The following SEMA3D variants were observed in gnomAD, a reference collection of about 807,000 sequenced individuals.
SEMA3D encodes the protein semaphorin-3D.
In SEMA3D, 84 loss-of-function variants were observed where a neutral mutation model predicts 100.1. The ratio of observed to expected loss-of-function variants is 0.84; its 90% CI spans 0.70 to 1.01. SEMA3D has a LOEUF of 1.01. Ranked by LOEUF, SEMA3D falls within the 50% of genes least tolerant of loss-of-function variation. SEMA3D has a pLI of 0.00. For missense variants in SEMA3D, 875 were observed against 934.1 expected (o/e 0.94, Z 0.82); for synonymous variants, 312 against 320.7 (o/e 0.97, Z 0.29).
chr7:85,074,254 C>G (rs1277625862), intron 5 of SEMA3D, among the ~76,000 whole-genome samples: 2 of 152,054 alleles, frequency 1.3e-5, no homozygotes, highest in Non-Finnish European at 2.9e-5. Flanking sequence ...TCTTTCTGCC[C>G]AAGTGGCCAT....
Position 85,065,398 on chromosome 7 carries a change from A to G in SEMA3D, c.718+26T>C, listed in dbSNP as rs115358884. 6,090 of 1,609,354 alleles carry G rather than the reference A, an allele frequency of 3.8e-3. 179 individuals are homozygous for G. In the African/African-American group the frequency reaches 0.069, roughly 18 times the overall value. On this transcript the variant is annotated intron_variant, in intron 8 of 18. Transcript: ENST00000284136. ...ATCTTAAACCAAAGCAAGACAATCA[A>G]AAGTAAACAAAAAAAAATCACAAAC... is the stretch of plus-strand genomic sequence containing the variant.
At chr7:85,226,471 C>T in the SEMA3D span, among the ~76,000 whole-genome samples, 3 of 152,108 alleles carry the variant, frequency 2.0e-5, no homozygotes, top group Non-Finnish European at 4.4e-5. Flanking sequence ...TGGTAAGCCC[C>T]CTTTTTCACT....
intron 2 of SEMA3D, chr7:85,144,786 G>T: frequency 2.0e-6 from 1 of 500,014 alleles, no homozygotes; most frequent in Non-Finnish European, 2.6e-6. Context: ...ATTTGATTAG[G>T]ATTTATTATA....
intron 11 of SEMA3D, among the ~76,000 whole-genome samples, chr7:85,039,225 GC>G (rs1332141289): frequency 6.6e-6 from 1 of 152,080 alleles, no homozygotes; most frequent in Non-Finnish European, 1.5e-5. Flanking sequence ...AGTCTGTGGG[GC>G]CCCCATATTC....
At chr7:85,084,391 C>T (rs1248818906) in intron 4 of SEMA3D, among the ~76,000 whole-genome samples, 1 of 152,056 alleles carries the variant, frequency 6.6e-6, no homozygotes, top group East Asian at 1.9e-4. Flanking sequence ...TTTCATCTTG[C>T]AAAAGTGAAA....
chr7:85,099,781 T>C (rs1583921947), intron 3 of SEMA3D, among the ~76,000 whole-genome samples: 2 of 152,108 alleles, frequency 1.3e-5, no homozygotes, highest in South Asian at 2.1e-4. Flanking sequence ...TGCCATATGA[T>C]ATGGAGAATC....
intron 1 of SEMA3D, among the ~76,000 whole-genome samples, chr7:85,177,981 G>A (rs371653543): frequency 1.6e-4 from 25 of 152,230 alleles, no homozygotes; most frequent in Middle Eastern, 3.4e-3. Context: ...TGCTGTTCTC[G>A]TGATAGTGAG....
chr7:85,162,927 A>C (rs896700138), intron 1 of SEMA3D, among the ~76,000 whole-genome samples: 51 of 152,194 alleles, frequency 3.4e-4, no homozygotes, highest in Non-Finnish European at 5.9e-5. Flanking sequence ...CTTGGAAGAC[A>C]GAAGTAAAGG....
At chr7:85,037,635 T>G (rs909758915) in intron 11 of SEMA3D, among the ~76,000 whole-genome samples, 2 of 152,116 alleles carry the variant, frequency 1.3e-5, no homozygotes, top group African/African-American at 4.8e-5. Context: ...TGAAACAATC[T>G]TTTTCTTTTT....
At chr7:85,169,714 T>C (rs936715974) in intron 1 of SEMA3D, among the ~76,000 whole-genome samples, 1 of 151,798 alleles carries the variant, frequency 6.6e-6, no homozygotes, top group African/African-American at 2.4e-5. Context: ...AAAAATATTT[T>C]ACTGATGCTA....
Position 84,999,845 on chromosome 7 carries a change from G to A in SEMA3D, c.1929C>T (p.Ile643=). ...TCAGTAGCCCATATTCCGTTTTGAT[G>A]ATTCTTTCATCGGGCTTCAACTGCA... ...HREELKPDER[I]IKTEYGLLIR... The change falls in exon 19 of 19, where the codon ATC becomes ATT. Residue 643 remains isoleucine (I), a synonymous_variant. Coordinates refer to ENST00000284136, the MANE Select transcript of SEMA3D (RefSeq NM_001384900.1). 3 of 1,613,186 alleles carry A rather than the reference G, an allele frequency of 1.9e-6. No homozygotes were observed. The highest frequency in any genetic ancestry group is 2.5e-6 in the Non-Finnish European group (3 of 1,179,390).
chr7:85,210,681 T>C, the SEMA3D span, among the ~76,000 whole-genome samples: 2 of 152,056 alleles, frequency 1.3e-5, no homozygotes, highest in African/African-American at 4.8e-5. Flanking sequence ...AGATTGAAGA[T>C]ACCATATTCA....
chr7:85,206,978 A>C, the SEMA3D span, among the ~76,000 whole-genome samples: 1 of 152,106 alleles, frequency 6.6e-6, no homozygotes, highest in African/African-American at 2.4e-5. Context: ...AGATTTAATA[A>C]GGAATTTGAT....
chr7:85,165,156 G>A (rs921067819), intron 1 of SEMA3D, among the ~76,000 whole-genome samples: 6 of 151,802 alleles, frequency 4.0e-5, no homozygotes, highest in African/African-American at 9.7e-5. Context: ...CATGGCACAT[G>A]TATACATGTG....
chr7:85,241,483 A>G, the SEMA3D span, among the ~76,000 whole-genome samples: 2 of 138,286 alleles, frequency 1.4e-5, no homozygotes, highest in African/African-American at 5.6e-5. Flanking sequence ...ATATATATAT[A>G]TATATATATG....
At chr7:85,203,915 G>T in the SEMA3D span, among the ~76,000 whole-genome samples, 1 of 151,942 alleles carries the variant, frequency 6.6e-6, no homozygotes, top group Non-Finnish European at 1.5e-5. Context: ...GGAGATATTG[G>T]AATAAAAAAA....
intron 1 of SEMA3D, among the ~76,000 whole-genome samples, chr7:85,181,052 C>G (rs1202011994): frequency 6.6e-6 from 1 of 152,154 alleles, no homozygotes; most frequent in Admixed American, 6.5e-5. Context: ...GGTAAATTGT[C>G]ATTTTAATGC....
At chr7:85,138,663 TATTAA>T (rs1366314805) in intron 2 of SEMA3D, among the ~76,000 whole-genome samples, 1 of 146,572 alleles carries the variant, frequency 6.8e-6, no homozygotes, top group Non-Finnish European at 1.5e-5. Flanking sequence ...TTAATATATA[TATTAA>T]ATTAAATATA....
chr7:85,207,946 A>G, the SEMA3D span, among the ~76,000 whole-genome samples: 708 of 152,152 alleles, frequency 4.7e-3, 2 homozygotes, highest in African/African-American at 0.016. Context: ...TGTCAGTTAG[A>G]CGAAAATATC....
Sources: allele counts gnomAD v4.1 joint callset (sites outside exome capture counted in the v4.1 genomes callset), GRCh38; gene constraint gnomAD v4.1.1; transcripts MANE v1.5; gene names NCBI Gene and HGNC (gene_info 2026-07-23, HGNC 2026-07-21).